The following STK24 variants were observed in gnomAD, a reference collection of about 807,000 sequenced individuals.
STK24 encodes the protein serine/threonine-protein kinase 24.
STK24 carries 21 observed loss-of-function variants against 55.6 expected under a neutral mutation model. That is an observed-to-expected ratio of 0.38 (90% CI 0.27 to 0.54). The LOEUF is 0.54. Ranked by LOEUF, STK24 falls within the 20% of genes least tolerant of loss-of-function variation. The pLI, the probability that STK24 is intolerant of heterozygous loss-of-function variation, is 0.79. For missense variants in STK24, 383 were observed against 538.4 expected (o/e 0.71, Z 2.86); for synonymous variants, 200 against 215.2 (o/e 0.93, Z 0.62).
chr13:98,448,402 A>G lies in STK24; in HGVS notation c.*4771T>C, dbSNP rs774463974. On this transcript the variant is annotated 3_prime_UTR_variant, in exon 11 of 11. Transcript: ENST00000539966. ...GTATTAATGAAGCCTGGTAAAATTA[A>G]CACCTGTCTGAAAATCAAAAACATG... 4.5e-6 allele frequency: 5 copies of G among 1,106,152 alleles called. No individual in the cohort carries two copies. Among genetic ancestry groups the G allele is most frequent in the Non-Finnish European group, 6.9e-6 (5 of 724,392 alleles). 68.5% of individuals were successfully genotyped at this position (1,106,152 alleles called of 1,614,324 possible). A position where few individuals can be genotyped will look rare whatever the true frequency, so the allele number is the denominator to read the frequency against.
chr13:98,558,914 C>CA (rs1386676869), intron 1 of STK24, among the ~76,000 whole-genome samples: 4 of 148,952 alleles, frequency 2.7e-5, no homozygotes, highest in African/African-American at 7.4e-5. Context: ...CCTGTAATCC[C>CA]AGCACTTTAG....
At chr13:98,454,939 A>T (rs1425474669) in intron 10 of STK24, 4 of 152,302 alleles carry the variant, frequency 2.6e-5, no homozygotes, top group African/African-American at 9.6e-5. Context: ...ACTGCAAAGT[A>T]AAGTTTTAAA....
chr13:98,527,456 G>A (rs775179877), intron 1 of STK24, among the ~76,000 whole-genome samples: 1 of 152,178 alleles, frequency 6.6e-6, no homozygotes, highest in African/African-American at 2.4e-5. Flanking sequence ...ATCATGCTCC[G>A]CGGGCCACCA....
rs775880650 is a variant in STK24, at chr13:98,482,251, A to G, written c.330+14T>C. ...AAGCTTTGATACGTATTCTGCATCC[A>G]ACATAATACTTACTAGATCTAGTGC... On this transcript the variant is annotated intron_variant, in intron 3 of 10. Transcript: ENST00000539966. The G allele has an allele frequency of 6.7e-7, 1 of 1,484,442 alleles. No homozygotes were observed. Among genetic ancestry groups the G allele is most frequent in the Non-Finnish European group, 9.1e-7 (1 of 1,093,066 alleles). 92.0% of individuals were successfully genotyped at this position (1,484,442 alleles called of 1,614,324 possible).
chr13:98,576,731 C>A lies in STK24; in HGVS notation c.42+14G>T. On this transcript the variant is annotated intron_variant, in intron 1 of 10. Transcript: ENST00000539966. ...CGGTCGCGCATCCCGGCCCCGCGGC[C>A]CGCGCCCGCCTACCTGCATGCCGGG... The A allele has an allele frequency of 1.4e-6, 2 of 1,459,286 alleles. No homozygotes were observed. The highest frequency in any genetic ancestry group is 1.3e-5 in the South Asian group (1 of 78,144). The allele number at this position is 1,459,286 out of a possible 1,614,324, so 90.4% of individuals were successfully genotyped here.
intron 2 of STK24, among the ~76,000 whole-genome samples, chr13:98,514,168 T>C (rs532672134): frequency 1.3e-5 from 2 of 152,318 alleles, no homozygotes; most frequent in South Asian, 4.1e-4. Context: ...CTAGGGTGCA[T>C]CTGAAAGTCA....
At chr13:98,453,309 C>A in intron 10 of STK24, 100 bp from the exon 11 acceptor site, 2 of 1,234,146 alleles carry the variant, frequency 1.6e-6, no homozygotes, top group Non-Finnish European at 1.1e-6. Flanking sequence ...TAAGAAATTC[C>A]AAGTCATACA....
chr13:98,460,364 G>T lies in STK24; in HGVS notation c.1122+8C>A, dbSNP rs1157630531. 1.9e-6 allele frequency: 3 copies of T among 1,612,576 alleles called. No homozygotes were observed. The highest frequency in any genetic ancestry group is 2.5e-6 in the Non-Finnish European group (3 of 1,179,234). On this transcript the variant is annotated splice_region_variant and intron_variant, in intron 9 of 10. Coordinates refer to ENST00000539966, the MANE Select transcript of STK24 (RefSeq NM_001032296.4). Reference sequence around the variant, plus strand: ...CTCCCACTCCGAAAAGGCCAGCCAGGTACCTACCTCTGCAAACAGAGGAGA... The same window carrying T: ...CTCCCACTCCGAAAAGGCCAGCCAGTTACCTACCTCTGCAAACAGAGGAGA...
rs995699098 is a variant in STK24 at position 98,448,927 on chromosome 13, A to G, written c.*4246T>C. 6.6e-6 allele frequency: 1 copy of G among 152,156 alleles called. No individual in the cohort carries two copies. The highest frequency in any genetic ancestry group is 2.4e-5 in the African/African-American group (1 of 41,420). 9.4% of individuals were successfully genotyped at this position (152,156 alleles called of 1,614,324 possible). On this transcript the variant is annotated 3_prime_UTR_variant, in exon 11 of 11. Coordinates refer to ENST00000539966, the MANE Select transcript of STK24 (RefSeq NM_001032296.4). ...CGGGGTTTCACGCTCACCTGAAAACACCTGTTCCCAACCTACTTCTTGGTG... is the reference window on the plus strand; with the variant it reads ...CGGGGTTTCACGCTCACCTGAAAACGCCTGTTCCCAACCTACTTCTTGGTG...
intron 1 of STK24, among the ~76,000 whole-genome samples, chr13:98,562,641 T>G (rs1897454333): frequency 6.6e-6 from 1 of 152,046 alleles, no homozygotes; most frequent in Non-Finnish European, 1.5e-5. Context: ...CCAGGCTGGG[T>G]GCAGTGGCTC....
intron 6 of STK24, 42 bp from the exon 7 acceptor site, chr13:98,463,878 C>T (rs377124212): frequency 4.4e-6 from 7 of 1,601,566 alleles, no homozygotes; most frequent in Non-Finnish European, 6.0e-6. Context: ...AGATGAAGTT[C>T]TTGGTCCTAC....
In STK24 at chr13:98,519,234, A is replaced by T. The variant is rs373499371; in HGVS notation, c.273+9T>A. The T allele has an allele frequency of 5.3e-5, 85 of 1,610,454 alleles. No individual in the cohort carries two copies. The African/African-American group carries it at 1.0e-3, about 19-fold the overall frequency. On this transcript the variant is annotated intron_variant, in intron 2 of 10. Transcript: ENST00000539966. ...GCAGAACGGAGAAGCACGTTATTTT[A>T]AGCCTTACCTTCAGATAGGATCCAT... is the stretch of plus-strand genomic sequence containing the variant.
intron 2 of STK24, among the ~76,000 whole-genome samples, chr13:98,482,609 A>G (rs1894638278): frequency 6.6e-6 from 1 of 152,188 alleles, no homozygotes; most frequent in Non-Finnish European, 1.5e-5. Flanking sequence ...CTCAGAAAGC[A>G]GACTGGGTGT....
At chr13:98,475,119 A>C in intron 4 of STK24, 131 bp downstream of exon 4, 3 of 1,407,472 alleles carry the variant, frequency 2.1e-6, no homozygotes, top group Non-Finnish European at 1.9e-6. Flanking sequence ...GACCCCCTCA[A>C]AGCCAGCCCA....
At chr13:98,494,428 A>AAAAAAT (rs58955737) in intron 2 of STK24, among the ~76,000 whole-genome samples, 1 of 148,884 alleles carries the variant, frequency 6.7e-6, no homozygotes, top group Non-Finnish European at 1.5e-5. Flanking sequence ...AAAAAAAAAA[A>AAAAAAT]GTGCCTCTAA....
At chr13:98,545,857 C>A (rs1466632723) in intron 1 of STK24, among the ~76,000 whole-genome samples, 4 of 152,062 alleles carry the variant, frequency 2.6e-5, no homozygotes, top group African/African-American at 4.8e-5. Context: ...TTAAACAATT[C>A]TTTCCATAGG....
chr13:98,459,613 G>A (rs984339180), intron 9 of STK24, among the ~76,000 whole-genome samples: 9 of 152,334 alleles, frequency 5.9e-5, no homozygotes, highest in East Asian at 3.9e-4. Flanking sequence ...TTCCTCTCCT[G>A]AGCACCTCCC....
chr13:98,507,033 G>C (rs180698411), intron 2 of STK24, among the ~76,000 whole-genome samples: 2 of 152,216 alleles, frequency 1.3e-5, no homozygotes, highest in African/African-American at 4.8e-5. Context: ...GGTGCTGGCC[G>C]ACACTAGGCC....
chr13:98,501,332 G>A (rs1373209157), intron 2 of STK24, among the ~76,000 whole-genome samples: 1 of 152,194 alleles, frequency 6.6e-6, no homozygotes, highest in Admixed American at 6.5e-5. Context: ...ACTGTGCAAG[G>A]CCCAATCCTC....
Sources: allele counts gnomAD v4.1 joint callset (sites outside exome capture counted in the v4.1 genomes callset), GRCh38; gene constraint gnomAD v4.1.1; transcripts MANE v1.5; gene names NCBI Gene and HGNC (gene_info 2026-07-23, HGNC 2026-07-21).